CHMP3: variants seen among roughly 807,000 people sequenced by gnomAD.
CHMP3 encodes charged multivesicular body protein 3, also known as 25.1 protein.
Under a neutral mutation model 27.4 loss-of-function variants are expected in CHMP3, and 8 were observed. The ratio of observed to expected loss-of-function variants is 0.29; its 90% confidence interval spans 0.17 to 0.53. The LOEUF (loss-of-function observed/expected upper bound fraction) is 0.53, where lower values mean the gene tolerates loss of function less well. Ranked by LOEUF, CHMP3 falls within the 20% of genes least tolerant of loss-of-function variation. CHMP3 has a pLI of 0.96. For synonymous variants in CHMP3, 86 were observed against 85.5 expected, an observed-to-expected ratio of 1.01 and a Z score of -0.03; for missense variants, 208 against 271.5, an observed-to-expected ratio of 0.77 and a Z score of 1.64.
At chr2:86,518,256 T>C (rs1675390686) in intron 3 of CHMP3, among the ~76,000 whole-genome samples, 1 of 151,996 alleles carries the variant, frequency 6.6e-6, no homozygotes, top group Non-Finnish European at 1.5e-5. Context: ...AAAGAAAAGT[T>C]AAAAGGTACA....
chr2:86,542,288 T>G lies in CHMP3; in HGVS notation c.70A>C (p.Arg24=), dbSNP rs1211190282. ...ELVNEWSLKI[R]KEMRVVDRQI... ...CTGTCAACAACTCTCATTTCCTTTC[T>G]TATCTTCAATGACCACTCATTGACC... is the stretch of plus-strand genomic sequence containing the variant. Residue 24 remains arginine (R), a synonymous_variant, in exon 2 of 6, where the codon AGA becomes CGA. Coordinates refer to ENST00000263856, the MANE Select transcript of CHMP3 (RefSeq NM_016079.4). The G allele has an allele frequency of 6.2e-7, 1 of 1,613,472 alleles. No individual in the cohort carries two copies. Among genetic ancestry groups the G allele is most frequent in the Non-Finnish European group, 8.5e-7 (1 of 1,179,632 alleles).
chr2:86,505,775 G>A lies in CHMP3; in HGVS notation c.*29C>T. 1 of 1,523,988 alleles carries A rather than the reference G, an allele frequency of 6.6e-7. No homozygotes were observed. The highest frequency in any genetic ancestry group is 8.8e-7 in the Non-Finnish European group (1 of 1,131,724). 94.4% of individuals were successfully genotyped at this position (1,523,988 alleles called of 1,614,324 possible). A position where few individuals can be genotyped will look rare whatever the true frequency, so the allele number is the denominator to read the frequency against. On this transcript the variant is annotated 3_prime_UTR_variant, in exon 6 of 6. Coordinates refer to ENST00000263856, the MANE Select transcript of CHMP3 (RefSeq NM_016079.4). ...TAAAATGGCAGCTCTTGAGAGGAGTGTGTGCACACCCAGCGGGGTAGGCAG... is the reference window on the plus strand; with the variant it reads ...TAAAATGGCAGCTCTTGAGAGGAGTATGTGCACACCCAGCGGGGTAGGCAG...
intron 3 of CHMP3, among the ~76,000 whole-genome samples, chr2:86,519,116 G>A (rs1424687069): frequency 6.6e-6 from 1 of 152,176 alleles, no homozygotes; most frequent in Non-Finnish European, 1.5e-5. Flanking sequence ...GCTCACGCCT[G>A]TAATCCCAGC....
intron 3 of CHMP3, 85 bp downstream of exon 3, chr2:86,529,133 G>T: frequency 7.4e-7 from 1 of 1,354,808 alleles, no homozygotes. Context: ...AACCAGAGTT[G>T]AGTTTTTCCT....
intron 1 of CHMP3, chr2:86,542,681 T>C: frequency 5.9e-6 from 1 of 170,782 alleles, no homozygotes; most frequent in Non-Finnish European, 1.2e-5. Flanking sequence ...TTTCAAAAAC[T>C]ACTCTGTCTG....
At chr2:86,524,505 A>T (rs1675628344) in intron 3 of CHMP3, among the ~76,000 whole-genome samples, 1 of 152,226 alleles carries the variant, frequency 6.6e-6, no homozygotes, top group Non-Finnish European at 1.5e-5. Context: ...ACAATATAGT[A>T]TAACTATTAT....
intron 3 of CHMP3, among the ~76,000 whole-genome samples, chr2:86,516,827 T>C (rs1365705856): frequency 6.6e-6 from 1 of 152,114 alleles, no homozygotes; most frequent in African/African-American, 2.4e-5. Context: ...AGTAACAAAA[T>C]TATAGAAATG....
At chr2:86,523,638 A>G (rs1246772936) in intron 3 of CHMP3, among the ~76,000 whole-genome samples, 1 of 152,034 alleles carries the variant, frequency 6.6e-6, no homozygotes, top group African/African-American at 2.4e-5. Context: ...GGTACTCAGA[A>G]AGCGTATACT....
intron 3 of CHMP3, chr2:86,510,785 G>C (rs773469207): frequency 9.9e-5 from 27 of 271,920 alleles, no homozygotes; most frequent in Non-Finnish European, 1.8e-4. Flanking sequence ...TGACACCCAG[G>C]AAAATCACAA....
At chr2:86,542,426 C>G (rs915883786) in intron 1 of CHMP3, 114 bp from the exon 2 acceptor site, 1 of 1,078,932 alleles carries the variant, frequency 9.3e-7, no homozygotes, top group South Asian at 1.4e-5. Context: ...TTTAAAAAGC[C>G]ATTTTCAAAG....
At chr2:86,559,641 G>A (rs1246236676) in intron 1 of CHMP3, among the ~76,000 whole-genome samples, 1 of 152,194 alleles carries the variant, frequency 6.6e-6, no homozygotes, top group Non-Finnish European at 1.5e-5. Context: ...CCCTAAAGTG[G>A]ATGGACATTC....
At position 86,510,614 on chromosome 2, in the gene CHMP3, T is replaced by C. The variant is rs1675069098; in HGVS notation, c.287-135A>G. ...AGTTATTTGTGTGCCTTTAAATTAA[T>C]TACTGTGCTAGTTGACCAAGAGATT... On this transcript the variant is annotated intron_variant, in intron 3 of 5. Coordinates refer to ENST00000263856, the MANE Select transcript of CHMP3 (RefSeq NM_016079.4). The C allele has an allele frequency of 1.3e-5, 16 of 1,244,096 alleles. No individual in the cohort carries two copies. The South Asian group carries it at 1.8e-4, about 14-fold the overall frequency. 77.1% of individuals were successfully genotyped at this position (1,244,096 alleles called of 1,614,324 possible). A position where few individuals can be genotyped will look rare whatever the true frequency, so the allele number is the denominator to read the frequency against.
Position 86,563,372 on chromosome 2 carries a change from C to T in CHMP3, c.-24G>A. 1 of 1,612,922 alleles carries T rather than the reference C, an allele frequency of 6.2e-7. No homozygotes were observed. Among genetic ancestry groups the T allele is most frequent in the Non-Finnish European group, 8.5e-7 (1 of 1,179,396 alleles). On this transcript the variant is annotated 5_prime_UTR_variant, in exon 1 of 6. Coordinates refer to ENST00000263856, the MANE Select transcript of CHMP3 (RefSeq NM_016079.4). ...ATGACGAACTGAACCCGTCTTGCCC[C>T]TTCCGGCTTTCAGTTCCCCGCGCCC...
intron 1 of CHMP3, among the ~76,000 whole-genome samples, chr2:86,542,538 G>A (rs1666495028): frequency 6.6e-6 from 1 of 152,140 alleles, no homozygotes; most frequent in Non-Finnish European, 1.5e-5. Context: ...GCCGAGGGCA[G>A]GCTGTAAGCA....
chr2:86,507,667 A>G (rs949384314), intron 4 of CHMP3, 74 bp from the exon 5 acceptor site: 1 of 1,315,782 alleles, frequency 7.6e-7, no homozygotes, highest in Non-Finnish European at 1.1e-6. Context: ...CATCACCTAG[A>G]CCGAGCTCTA....
intron 2 of CHMP3, among the ~76,000 whole-genome samples, chr2:86,538,553 T>G (rs1037245326): frequency 2.0e-5 from 3 of 152,118 alleles, no homozygotes; most frequent in African/African-American, 7.2e-5. Context: ...ACCAAAGTGT[T>G]TGTGGTGGTT....
intron 1 of CHMP3, among the ~76,000 whole-genome samples, chr2:86,544,202 T>C (rs1385804492): frequency 6.6e-6 from 1 of 152,260 alleles, no homozygotes; most frequent in Non-Finnish European, 1.5e-5. Flanking sequence ...CATTCAACTG[T>C]TAATGGAAAT....
intron 3 of CHMP3, among the ~76,000 whole-genome samples, chr2:86,513,975 A>C (rs1675199060): frequency 6.6e-6 from 1 of 152,254 alleles, no homozygotes; most frequent in Non-Finnish European, 1.5e-5. Context: ...TTATTCGTGA[A>C]GATTGAATGA....
chr2:86,515,049 CT>C (rs1675242122), intron 3 of CHMP3, among the ~76,000 whole-genome samples: 1 of 152,112 alleles, frequency 6.6e-6, no homozygotes, highest in Admixed American at 6.5e-5. Flanking sequence ...GCTCTTTTTG[CT>C]GAAATCCTTC....
Sources: allele counts gnomAD v4.1 joint callset (sites outside exome capture counted in the v4.1 genomes callset), GRCh38; gene constraint gnomAD v4.1.1; transcripts MANE v1.5; gene names NCBI Gene and HGNC (gene_info 2026-07-23, HGNC 2026-07-21).